The following FHIT variants were observed in gnomAD, a reference collection of about 807,000 sequenced individuals.
FHIT encodes bis(5'-adenosyl)-triphosphatase.
FHIT carries 19 observed loss-of-function variants against 17.9 expected under a neutral mutation model. The ratio of observed to expected loss-of-function variants is 1.06; its 90% CI spans 0.74 to 1.56. FHIT has a LOEUF of 1.56. Among genes scored for constraint, FHIT ranks in the 40% most tolerant of loss-of-function variants. The pLI is 0.00. For synonymous variants in FHIT, 81 were observed against 69.7 expected (o/e 1.16, Z -0.81); for missense variants, 248 against 189.2 (o/e 1.31, Z -1.82).
chr3:60,064,282 T>C (rs1702409293), intron 5 of FHIT, among the ~76,000 whole-genome samples: 1 of 152,194 alleles, frequency 6.6e-6, no homozygotes, highest in Admixed American at 6.5e-5. Context: ...TATTTGATGT[T>C]TGGATTCTCA....
intron 5 of FHIT, among the ~76,000 whole-genome samples, chr3:60,120,090 C>T (rs894431702): frequency 9.2e-5 from 14 of 152,162 alleles, no homozygotes; most frequent in African/African-American, 3.1e-4. Context: ...CCAGCTTGAA[C>T]ATCACACCTT....
At chr3:60,332,765 C>T (rs575331895) in intron 5 of FHIT, among the ~76,000 whole-genome samples, 78 of 152,276 alleles carry the variant, frequency 5.1e-4, no homozygotes, top group African/African-American at 1.9e-3. Context: ...CCCCACCACT[C>T]CATCCCTATC....
intron 1 of FHIT, among the ~76,000 whole-genome samples, chr3:61,241,822 T>G (rs1018316591): frequency 1.3e-5 from 2 of 152,204 alleles, no homozygotes; most frequent in African/African-American, 4.8e-5. Flanking sequence ...AATTTTCTCT[T>G]CTATTCCCAC....
At chr3:60,527,089 C>T (rs1187900262) in intron 5 of FHIT, among the ~76,000 whole-genome samples, 1 of 152,104 alleles carries the variant, frequency 6.6e-6, no homozygotes, top group Non-Finnish European at 1.5e-5. Flanking sequence ...CCTGCTTAGG[C>T]CTTAGCTGTT....
At chr3:60,817,799 T>G (rs1701792233) in intron 4 of FHIT, among the ~76,000 whole-genome samples, 2 of 152,078 alleles carry the variant, frequency 1.3e-5, no homozygotes, top group South Asian at 4.1e-4. Context: ...ATTTGAAAAT[T>G]TGGGCCCATT....
At chr3:60,073,191 A>G (rs559546138) in intron 5 of FHIT, among the ~76,000 whole-genome samples, 10 of 152,126 alleles carry the variant, frequency 6.6e-5, no homozygotes, top group Non-Finnish European at 1.2e-4. Context: ...GTGCCCCCAT[A>G]TGATGTTTAA....
chr3:60,686,533 C>CTT (rs144413729), intron 4 of FHIT, among the ~76,000 whole-genome samples: 7 of 150,698 alleles, frequency 4.6e-5, no homozygotes, highest in South Asian at 2.1e-4. Context: ...GCTCTGGTTG[C>CTT]TTTTTTTTTA....
chr3:59,859,102 G>A (rs1253322311), intron 8 of FHIT, among the ~76,000 whole-genome samples: 1 of 152,108 alleles, frequency 6.6e-6, no homozygotes. Context: ...GGCTGGACAG[G>A]GACAGTATAA....
chr3:59,960,178 A>G (rs773239952), intron 7 of FHIT, among the ~76,000 whole-genome samples: 11 of 152,204 alleles, frequency 7.2e-5, no homozygotes, highest in Non-Finnish European at 1.5e-4. Flanking sequence ...CAGTGACCAC[A>G]AACAATACAG....
At chr3:60,117,677 T>C (rs1705034346) in intron 5 of FHIT, among the ~76,000 whole-genome samples, 2 of 152,102 alleles carry the variant, frequency 1.3e-5, no homozygotes, top group South Asian at 4.1e-4. Flanking sequence ...AACTTGCCAA[T>C]GCTGAGGGTC....
At chr3:60,012,898 C>T (rs975155525) in intron 6 of FHIT, among the ~76,000 whole-genome samples, 1 of 152,166 alleles carries the variant, frequency 6.6e-6, no homozygotes, top group South Asian at 2.1e-4. Flanking sequence ...TTGTATCTCA[C>T]TAAACATTAA....
intron 5 of FHIT, among the ~76,000 whole-genome samples, chr3:60,341,054 C>T (rs975932032): frequency 6.6e-6 from 1 of 152,082 alleles, no homozygotes; most frequent in Admixed American, 6.6e-5. Flanking sequence ...ATGATACCTC[C>T]ATATTTGGAT....
intron 4 of FHIT, among the ~76,000 whole-genome samples, chr3:60,764,439 C>T (rs573098218): frequency 7.9e-5 from 12 of 151,820 alleles, no homozygotes; most frequent in African/African-American, 2.9e-4. Flanking sequence ...GGTGGATGAA[C>T]TGCATTAACA....
intron 3 of FHIT, among the ~76,000 whole-genome samples, chr3:61,029,241 T>G (rs924096718): frequency 6.6e-6 from 1 of 152,134 alleles, no homozygotes; most frequent in African/African-American, 2.4e-5. Context: ...ACACCTAAAA[T>G]TGATCTGTAC....
chr3:60,720,506 G>A (rs1553707783), intron 4 of FHIT, among the ~76,000 whole-genome samples: 1 of 152,154 alleles, frequency 6.6e-6, no homozygotes, highest in African/African-American at 2.4e-5. Flanking sequence ...AGTACCAATG[G>A]TAATATATTT....
chr3:61,245,582 T>C (rs1322547509), intron 1 of FHIT, among the ~76,000 whole-genome samples: 1 of 152,218 alleles, frequency 6.6e-6, no homozygotes, highest in Non-Finnish European at 1.5e-5. Context: ...GCAGGAGACT[T>C]GTATGCACAT....
At position 60,534,254 on chromosome 3, in the gene FHIT, C is replaced by T. The variant is rs868281655; in HGVS notation, c.103+2606G>A. On this transcript the variant is annotated intron_variant, in intron 5 of 9. Coordinates refer to ENST00000492590, the MANE Select transcript of FHIT (RefSeq NM_002012.4). ...CATCCTGGCTAACAAGGTGAAACCC[C>T]GTCTCTACTAAAAATACAAAAAAAA... Among the ~76,000 whole-genome samples the T allele has an allele frequency of 2.9e-4, 40 of 137,342 alleles. No individual in the cohort carries two copies. In the South Asian group the frequency reaches 6.4e-3, roughly 22 times the overall value. 90.1% of individuals were successfully genotyped at this position (137,342 alleles called of 152,430 possible).
intron 5 of FHIT, among the ~76,000 whole-genome samples, chr3:60,269,515 T>G (rs1446908662): frequency 6.6e-6 from 1 of 152,216 alleles, no homozygotes; most frequent in Admixed American, 6.5e-5. Context: ...AGCTTATCGC[T>G]TTAGGCAGAT....
intron 5 of FHIT, among the ~76,000 whole-genome samples, chr3:60,276,466 C>A (rs2107637561): frequency 6.6e-6 from 1 of 152,176 alleles, no homozygotes; most frequent in Middle Eastern, 3.4e-3. Context: ...CATTCAGAAC[C>A]CAAGAGTCTA....
Sources: gnomAD v4.1 joint callset for allele counts (sites outside exome capture counted in the v4.1 genomes callset) on GRCh38, gnomAD v4.1.1 for gene constraint, MANE v1.5 for transcripts, NCBI Gene and HGNC (gene_info 2026-07-23, HGNC 2026-07-21) for gene names.